Variants in KIAA1549 observed in about 807,000 individuals in gnomAD.
The protein encoded by KIAA1549 is UPF0606 protein KIAA1549.
A neutral mutation model predicts 156.4 loss-of-function variants in KIAA1549; 70 were observed. The observed-to-expected ratio is 0.45, with a 90% CI of 0.37 to 0.55. The LOEUF (loss-of-function observed/expected upper bound fraction) is 0.55. Ranked by LOEUF, KIAA1549 falls within the 20% of genes least tolerant of loss-of-function variation. The probability of loss-of-function intolerance (pLI) is 0.00; values close to 1 mark genes in which losing one functional copy is unlikely to be tolerated. For synonymous variants in KIAA1549, 1,103 were observed against 1,066.4 expected, an observed-to-expected ratio of 1.03 and a Z score of -0.67; for missense variants, 2,428 against 2,540.9, an observed-to-expected ratio of 0.96 and a Z score of 0.96.
In KIAA1549 at chr7:138,867,990, G is replaced by C. The variant is rs1442464550; in HGVS notation, c.4914C>G (p.Ala1638=). ...TGGCACGCACTGGGCATCCGATGTA[G>C]GCTGAGTTGTGGACGCCGGGGGGCC... ...YRRPPGVHNS[A]YIGCPSDPDL... The change falls in exon 15 of 20, where the codon GCC becomes GCG. Residue 1638 remains alanine, a synonymous_variant. Coordinates refer to ENST00000422774, the MANE Select transcript of KIAA1549 (RefSeq NM_001164665.2). 1.2e-6 allele frequency: 2 copies of C among 1,613,944 alleles called. No individual in the cohort carries two copies. The highest frequency in any genetic ancestry group is 1.7e-6 in the Non-Finnish European group (2 of 1,179,826).
At chr7:138,857,894 G>T (rs925029533) in intron 16 of KIAA1549, among the ~76,000 whole-genome samples, 2 of 152,118 alleles carry the variant, frequency 1.3e-5, no homozygotes, top group African/African-American at 2.4e-5. Flanking sequence ...TGTATTTAAT[G>T]AAGGGTTCTT....
At chr7:138,973,653 CT>C (rs567760453) in intron 1 of KIAA1549, among the ~76,000 whole-genome samples, 1 of 151,362 alleles carries the variant, frequency 6.6e-6, no homozygotes, top group Admixed American at 6.6e-5. Context: ...ATTTAACAAG[CT>C]TTTTTTTTGT....
chr7:138,959,435 G>T (rs1813772718), intron 1 of KIAA1549, among the ~76,000 whole-genome samples: 1 of 152,130 alleles, frequency 6.6e-6, no homozygotes, highest in Non-Finnish European at 1.5e-5. Flanking sequence ...AGGGAGTGGG[G>T]GCTTATGGCA....
At chr7:138,890,380 T>C (rs1046357450) in intron 10 of KIAA1549, among the ~76,000 whole-genome samples, 8 of 152,242 alleles carry the variant, frequency 5.3e-5, no homozygotes, top group African/African-American at 1.9e-4. Flanking sequence ...TTTGCCATCA[T>C]GTAGCGAGTG....
At chr7:138,945,997 A>G (rs1013332111) in intron 1 of KIAA1549, among the ~76,000 whole-genome samples, 2 of 152,020 alleles carry the variant, frequency 1.3e-5, no homozygotes, top group African/African-American at 4.8e-5. Flanking sequence ...GGGTTCTCTC[A>G]ACTAAGCTTA....
In KIAA1549 at chr7:138,917,012, G is replaced by A; in HGVS notation, c.2614C>T (p.Pro872Ser). 1 of 1,603,694 alleles carries A rather than the reference G, an allele frequency of 6.2e-7. No individual in the cohort carries two copies. Among genetic ancestry groups the A allele is most frequent in the Non-Finnish European group, 8.5e-7 (1 of 1,174,994 alleles). Residue 872 changes from proline to serine, a missense_variant, in exon 2 of 20, where the codon CCC becomes TCC. By Grantham distance (74) the Pro-to-Ser change is moderately conservative (BLOSUM62 -1). Transcript: ENST00000422774. ...ELTVVGPSLT[P>S]TEVPLNTSTE... ...GAGGTGTTCAGTGGCACCTCTGTGG[G>A]TGTGAGTGATGGGCCCACGACGGTC...
Position 138,831,650 on chromosome 7 carries a change from G to T in KIAA1549, c.*6256C>A. On this transcript the variant is annotated 3_prime_UTR_variant, in exon 20 of 20. Transcript: ENST00000422774. ...ATTGTCAAGTTTAAGTTGCAGTATT[G>T]ATGCCACAGTTGGCCTCAATTTGCT... The T allele has an allele frequency of 4.4e-6, 1 of 229,822 alleles. No individual in the cohort carries two copies. The allele number at this position is 229,822 out of a possible 1,614,324, so 14.2% of individuals were successfully genotyped here.
intron 1 of KIAA1549, among the ~76,000 whole-genome samples, chr7:138,921,106 A>G (rs1322421641): frequency 1.3e-5 from 2 of 152,222 alleles, no homozygotes; most frequent in African/African-American, 4.8e-5. Context: ...GTTAGCCTAG[A>G]TAAGGAAAGA....
chr7:138,907,176 A>T, intron 5 of KIAA1549, 74 bp from the exon 6 acceptor site: 2 of 1,251,150 alleles, frequency 1.6e-6, no homozygotes, highest in Non-Finnish European at 2.1e-6. Context: ...TTTCTCTCTC[A>T]CAGGTCCTCT....
chr7:138,914,893 AAAG>A (rs1191877836), intron 2 of KIAA1549, among the ~76,000 whole-genome samples: 1 of 152,218 alleles, frequency 6.6e-6, no homozygotes, highest in Non-Finnish European at 1.5e-5. Context: ...GAGGACTCCT[AAAG>A]AAGCTTTCAG....
chr7:138,972,545 G>A (rs892358134), intron 1 of KIAA1549, among the ~76,000 whole-genome samples: 14 of 151,700 alleles, frequency 9.2e-5, no homozygotes, highest in African/African-American at 3.1e-4. Flanking sequence ...TCCCTGACTC[G>A]GGCCAATGGC....
chr7:138,907,176 A>C, intron 5 of KIAA1549, 74 bp from the exon 6 acceptor site: 1 of 1,251,152 alleles, frequency 8.0e-7, no homozygotes, highest in Non-Finnish European at 1.1e-6. Flanking sequence ...TTTCTCTCTC[A>C]CAGGTCCTCT....
intron 18 of KIAA1549, among the ~76,000 whole-genome samples, chr7:138,841,907 AG>A (rs1447212561): frequency 4.6e-5 from 7 of 151,558 alleles, no homozygotes; most frequent in Non-Finnish European, 1.0e-4. Flanking sequence ...AAAAAAAAAA[AG>A]AACTCCTCGA....
chr7:138,969,206 T>C (rs1814140573), intron 1 of KIAA1549, among the ~76,000 whole-genome samples: 1 of 152,216 alleles, frequency 6.6e-6, no homozygotes, highest in Non-Finnish European at 1.5e-5. Context: ...GTTGAGTATA[T>C]TCACATTGTC....
At chr7:138,869,264 A>G (rs1207888344) in intron 14 of KIAA1549, among the ~76,000 whole-genome samples, 10 of 152,212 alleles carry the variant, frequency 6.6e-5, no homozygotes, top group African/African-American at 2.4e-4. Context: ...AAGCCCCAGG[A>G]AATGCCCCGA....
rs1485412795 is a variant in KIAA1549 at position 138,836,946 on chromosome 7, G to C, written c.*960C>G. ...CTGCTTACAGAAGATTTCTCATTCA[G>C]ACATAATTTGTGAACAAATCAACAG... On this transcript the variant is annotated 3_prime_UTR_variant, in exon 20 of 20. Coordinates refer to ENST00000422774, the MANE Select transcript of KIAA1549 (RefSeq NM_001164665.2). 1 of 226,820 alleles carries C rather than the reference G, an allele frequency of 4.4e-6. No homozygotes were observed. Among genetic ancestry groups the C allele is most frequent in the African/African-American group, 2.2e-5 (1 of 44,982 alleles). The allele number at this position is 226,820 out of a possible 1,614,324, so 14.1% of individuals were successfully genotyped here.
At chr7:138,939,485 A>C (rs1813111354) in intron 1 of KIAA1549, among the ~76,000 whole-genome samples, 1 of 152,204 alleles carries the variant, frequency 6.6e-6, no homozygotes, top group South Asian at 2.1e-4. Context: ...CCCTGTAGAC[A>C]GTCCACATTC....
At chr7:138,856,274 G>A (rs143782819) in intron 16 of KIAA1549, among the ~76,000 whole-genome samples, 13,393 of 151,058 alleles carry the variant, frequency 0.089, 715 homozygotes, top group East Asian at 0.22. Flanking sequence ...TCCTGACCTC[G>A]TGATCCACCC....
chr7:138,979,982 T>C (rs1307951260), intron 1 of KIAA1549, among the ~76,000 whole-genome samples: 1 of 152,208 alleles, frequency 6.6e-6, no homozygotes, highest in Non-Finnish European at 1.5e-5. Context: ...GTGCTTCTAT[T>C]GTACCATCCC....
Sources: gnomAD v4.1 joint callset for allele counts (sites outside exome capture counted in the v4.1 genomes callset) on GRCh38, gnomAD v4.1.1 for gene constraint, MANE v1.5 for transcripts, NCBI Gene and HGNC (gene_info 2026-07-23, HGNC 2026-07-21) for gene names.